Variants in ZBBX observed in about 807,000 individuals in gnomAD.
The protein encoded by ZBBX is zinc finger B-box domain-containing protein 1.
In ZBBX, 101 loss-of-function variants were observed where a neutral mutation model predicts 108.5. The observed-to-expected ratio is 0.93, with a 90% CI of 0.79 to 1.10. The LOEUF (loss-of-function observed/expected upper bound fraction) is 1.10. Among genes scored for constraint, ZBBX ranks in the 50% least tolerant of loss-of-function variants. ZBBX has a pLI of 0.00. For synonymous variants in ZBBX, 356 were observed against 323.4 expected, an observed-to-expected ratio of 1.10 and a Z score of -1.08; for missense variants, 1,009 against 941.4, an observed-to-expected ratio of 1.07 and a Z score of -0.94.
the ZBBX span, among the ~76,000 whole-genome samples, chr3:167,219,905 G>A: frequency 7.3e-4 from 111 of 151,832 alleles, no homozygotes; most frequent in African/African-American, 2.7e-3. Flanking sequence ...AATCAGAAAT[G>A]AAAAAGTAAC....
intron 14 of ZBBX, among the ~76,000 whole-genome samples, chr3:167,316,154 G>A (rs1448403490): frequency 6.6e-6 from 1 of 152,086 alleles, no homozygotes; most frequent in Admixed American, 6.6e-5. Context: ...AACTTACGCT[G>A]TGTATCAACA....
chr3:167,393,893 T>C (rs1748153237), intron 1 of ZBBX, among the ~76,000 whole-genome samples: 1 of 151,992 alleles, frequency 6.6e-6, no homozygotes, highest in African/African-American at 2.4e-5. Flanking sequence ...ACATTTTATA[T>C]CCATAAAATG....
chr3:167,203,261 A>T, the ZBBX span, among the ~76,000 whole-genome samples: 1 of 151,954 alleles, frequency 6.6e-6, no homozygotes, highest in African/African-American at 2.4e-5. Flanking sequence ...TTCACCCTTG[A>T]TGTCTCTTCT....
chr3:167,228,074 T>C, the ZBBX span, among the ~76,000 whole-genome samples: 1 of 151,738 alleles, frequency 6.6e-6, no homozygotes, highest in Non-Finnish European at 1.5e-5. Flanking sequence ...CCTTCAAACA[T>C]GATCTCTAAA....
chr3:167,295,710 AATATAT>A lies in ZBBX; in HGVS notation c.1879+2589_1879+2594del, dbSNP rs1181996279. ...AAATCATGAAGAAACAAAAAATTGG[AATATAT>A]ATATATATATATATATATATATATA... On this transcript the variant is annotated intron_variant, in intron 18 of 21. Transcript: ENST00000675490. Among the ~76,000 whole-genome samples, 15 of 78,946 alleles carry A rather than the reference AATATAT, an allele frequency of 1.9e-4. 2 individuals carry two copies. Among genetic ancestry groups the A allele is most frequent in the Admixed American group, 9.7e-4 (5 of 5,170 alleles). 51.8% of individuals were successfully genotyped at this position (78,946 alleles called of 152,430 possible).
chr3:167,317,983 C>T (rs1371841597), intron 12 of ZBBX, among the ~76,000 whole-genome samples: 1 of 151,894 alleles, frequency 6.6e-6, no homozygotes, highest in African/African-American at 2.4e-5. Context: ...TTGATGAGTT[C>T]TACGGGAACC....
intron 20 of ZBBX, among the ~76,000 whole-genome samples, chr3:167,279,539 A>G (rs1252787269): frequency 2.0e-5 from 3 of 149,810 alleles, no homozygotes; most frequent in Non-Finnish European, 3.0e-5. Context: ...CAAACTTACA[A>G]GGGATGTGAA....
At chr3:167,286,421 C>T (rs375392313) in intron 19 of ZBBX, among the ~76,000 whole-genome samples, 13 of 152,002 alleles carry the variant, frequency 8.6e-5, no homozygotes, top group Admixed American at 2.6e-4. Flanking sequence ...ATGGAAAGTA[C>T]GATTCACTTC....
At chr3:167,390,532 C>G (rs1371954648) in intron 1 of ZBBX, among the ~76,000 whole-genome samples, 2 of 151,360 alleles carry the variant, frequency 1.3e-5, no homozygotes, top group Non-Finnish European at 3.0e-5. Flanking sequence ...TTGAAGAAAG[C>G]CAATGGTAGC....
At chr3:167,312,703 A>C (rs907042348) in intron 16 of ZBBX, among the ~76,000 whole-genome samples, 1 of 152,224 alleles carries the variant, frequency 6.6e-6, no homozygotes, top group Non-Finnish European at 1.5e-5. Context: ...AACTAGCTTG[A>C]TCAAACTATA....
At chr3:167,293,527 C>G (rs1025247847) in intron 18 of ZBBX, among the ~76,000 whole-genome samples, 1 of 152,064 alleles carries the variant, frequency 6.6e-6, no homozygotes, top group African/African-American at 2.4e-5. Context: ...ATAAAACTAG[C>G]TATTGATGAA....
intron 18 of ZBBX, among the ~76,000 whole-genome samples, chr3:167,291,366 A>T (rs924514563): frequency 1.3e-5 from 2 of 152,086 alleles, no homozygotes; most frequent in Non-Finnish European, 2.9e-5. Flanking sequence ...CTCTCAGCAG[A>T]TACCCTACAA....
At chr3:167,214,845 C>A in the ZBBX span, among the ~76,000 whole-genome samples, 1 of 152,114 alleles carries the variant, frequency 6.6e-6, no homozygotes, top group Non-Finnish European at 1.5e-5. Flanking sequence ...TGCTCAAAAT[C>A]ATGCAATTAC....
chr3:167,305,599 G>C (rs1159651214), intron 17 of ZBBX, 44 bp downstream of exon 17: 3 of 1,360,138 alleles, frequency 2.2e-6, no homozygotes, highest in Non-Finnish European at 2.9e-6. Context: ...TTCTTATGAG[G>C]TTTCTTATAA....
chr3:167,377,376 T>C (rs150095759), intron 2 of ZBBX, among the ~76,000 whole-genome samples: 3 of 152,308 alleles, frequency 2.0e-5, no homozygotes, highest in African/African-American at 7.2e-5. Flanking sequence ...CCACTTTTTG[T>C]AACTGAAAAC....
the ZBBX span, among the ~76,000 whole-genome samples, chr3:167,208,233 A>G: frequency 6.6e-6 from 1 of 152,222 alleles, no homozygotes; most frequent in Non-Finnish European, 1.5e-5. Flanking sequence ...AAGGCAGTCT[A>G]GGCCACAAGG....
the ZBBX span, among the ~76,000 whole-genome samples, chr3:167,230,681 G>T: frequency 6.6e-6 from 1 of 151,778 alleles, no homozygotes. Context: ...ACAGCAGGGT[G>T]AGCTCAAGAA....
upstream of ZBBX, chr3:167,380,415 G>A (rs1410631277): frequency 6.8e-6 from 1 of 146,240 alleles, no homozygotes. Flanking sequence ...CCTGCGAAAT[G>A]AGAGAGAATG....
At chr3:167,401,926 C>G (rs1748435733) in intron 1 of ZBBX, among the ~76,000 whole-genome samples, 1 of 152,078 alleles carries the variant, frequency 6.6e-6, no homozygotes. Context: ...TGTCAATGAA[C>G]CATGAAAGGC....
Sources: allele counts gnomAD v4.1 joint callset (sites outside exome capture counted in the v4.1 genomes callset), GRCh38; gene constraint gnomAD v4.1.1; transcripts MANE v1.5; gene names NCBI Gene and HGNC (gene_info 2026-07-23, HGNC 2026-07-21).